Variants in DAB1 observed in about 807,000 individuals in gnomAD.
DAB1 encodes DAB adaptor protein 1.
Under a neutral mutation model 64.6 loss-of-function variants are expected in DAB1, and 15 were observed. That is an observed-to-expected ratio of 0.23 (90% CI 0.16 to 0.36). DAB1 has a LOEUF of 0.36. DAB1 is among the 10% of genes least tolerant of loss of function. DAB1 has a pLI of 1.00. For synonymous variants in DAB1, 235 were observed against 251.9 expected (o/e 0.93, Z 0.64); for missense variants, 596 against 706.7 (o/e 0.84, Z 1.78).
chr1:58,095,536 T>C (rs895586580), intron 5 of DAB1, among the ~76,000 whole-genome samples: 1 of 152,194 alleles, frequency 6.6e-6, no homozygotes, highest in African/African-American at 2.4e-5. Context: ...TCTGTTAATC[T>C]CTCAGATTAT....
chr1:58,225,419 C>G (rs1659413196), intron 4 of DAB1, among the ~76,000 whole-genome samples: 1 of 151,798 alleles, frequency 6.6e-6, no homozygotes, highest in African/African-American at 2.4e-5. Context: ...CCTCAGGGAT[C>G]TAGAACTAGA....
At chr1:58,295,146 C>A (rs918415674) in intron 4 of DAB1, among the ~76,000 whole-genome samples, 3 of 152,040 alleles carry the variant, frequency 2.0e-5, no homozygotes, top group Admixed American at 1.3e-4. Flanking sequence ...TTCTGTTGCT[C>A]CTGGTCTCCT....
At chr1:57,050,956 T>C (rs1319398853) in intron 9 of DAB1, among the ~76,000 whole-genome samples, 1 of 152,222 alleles carries the variant, frequency 6.6e-6, no homozygotes, top group Non-Finnish European at 1.5e-5. Flanking sequence ...TGAAGGTCTG[T>C]CATTGTAGGT....
downstream of DAB1, among the ~76,000 whole-genome samples, chr1:57,821,123 C>G (rs143997682): frequency 2.8e-4 from 42 of 152,234 alleles, no homozygotes; most frequent in African/African-American, 9.6e-4. Context: ...AATATACCAT[C>G]AACATCCTCT....
chr1:57,836,133 T>G (rs1652797667), intron 1 of DAB1, among the ~76,000 whole-genome samples: 1 of 152,216 alleles, frequency 6.6e-6, no homozygotes, highest in Non-Finnish European at 1.5e-5. Flanking sequence ...ACCTTACCAC[T>G]ACTGCACTTG....
intron 7 of DAB1, among the ~76,000 whole-genome samples, chr1:57,535,974 T>C (rs974146968): frequency 3.3e-5 from 5 of 152,204 alleles, no homozygotes; most frequent in South Asian, 2.1e-4. Flanking sequence ...TAGATACTTC[T>C]GAAAAACTTG....
chr1:57,414,090 G>A (rs1684319251), intron 1 of DAB1, among the ~76,000 whole-genome samples: 1 of 152,222 alleles, frequency 6.6e-6, no homozygotes. Context: ...TTGTTGAAAT[G>A]ACAGCAAAGG....
chr1:58,021,659 C>T (rs112766060), intron 5 of DAB1, among the ~76,000 whole-genome samples: 100 of 152,240 alleles, frequency 6.6e-4, no homozygotes, highest in African/African-American at 2.3e-3. Context: ...AAAACCAAAG[C>T]AGATGATGGT....
At chr1:58,073,271 TC>T (rs1190410289) in intron 5 of DAB1, among the ~76,000 whole-genome samples, 1 of 152,150 alleles carries the variant, frequency 6.6e-6, no homozygotes, top group African/African-American at 2.4e-5. Flanking sequence ...TACTGTTCTT[TC>T]CTCTCTCCTC....
chr1:57,536,637 T>C (rs1408017778), intron 7 of DAB1, among the ~76,000 whole-genome samples: 2 of 150,796 alleles, frequency 1.3e-5, no homozygotes, highest in Non-Finnish European at 2.9e-5. Flanking sequence ...TGAGTGAATT[T>C]GAAGTCCTTC....
intron 6 of DAB1, among the ~76,000 whole-genome samples, chr1:57,818,481 G>A (rs1651969858): frequency 6.6e-6 from 1 of 151,994 alleles, no homozygotes; most frequent in Non-Finnish European, 1.5e-5. Context: ...TAAAATGGAT[G>A]GGTCAAAATA....
chr1:58,263,164 TAATA>T (rs1245327671), intron 4 of DAB1, among the ~76,000 whole-genome samples: 1 of 152,294 alleles, frequency 6.6e-6, no homozygotes, highest in East Asian at 1.9e-4. Context: ...AGAGGCCAAT[TAATA>T]AATAATGATT....
intron 3 of DAB1, among the ~76,000 whole-genome samples, chr1:58,490,496 G>C (rs1422459706): frequency 6.6e-6 from 1 of 152,166 alleles, no homozygotes; most frequent in Admixed American, 6.5e-5. Flanking sequence ...AGGGAGAATG[G>C]AACCAAGTTG....
chr1:57,949,777 A>G (rs957591455), intron 5 of DAB1, among the ~76,000 whole-genome samples: 1 of 152,114 alleles, frequency 6.6e-6, no homozygotes, highest in Non-Finnish European at 1.5e-5. Context: ...TCTCTTTATA[A>G]AAACTTTAAT....
chr1:58,180,099 G>A (rs906360819), intron 4 of DAB1, among the ~76,000 whole-genome samples: 1 of 151,528 alleles, frequency 6.6e-6, no homozygotes, highest in Non-Finnish European at 1.5e-5. Flanking sequence ...AGGGATTTGG[G>A]TATCCACAGA....
intron 5 of DAB1, among the ~76,000 whole-genome samples, chr1:57,942,462 G>C (rs943026872): frequency 6.6e-6 from 1 of 152,206 alleles, no homozygotes; most frequent in African/African-American, 2.4e-5. Flanking sequence ...GTGTTGGTAA[G>C]TATGTGAGAC....
At chr1:57,668,359 G>A (rs548469772) in intron 6 of DAB1, among the ~76,000 whole-genome samples, 2 of 152,136 alleles carry the variant, frequency 1.3e-5, no homozygotes, top group African/African-American at 4.8e-5. Context: ...TACCTTAGAG[G>A]TAAAGCACCT....
At chr1:57,355,385 C>A (rs1358350847) in intron 1 of DAB1, among the ~76,000 whole-genome samples, 1 of 151,160 alleles carries the variant, frequency 6.6e-6, no homozygotes, top group Non-Finnish European at 1.5e-5. Context: ...TCCTTCCTTC[C>A]TTCCTTCCGT....
chr1:57,651,676 T>C (rs12127257), intron 6 of DAB1, among the ~76,000 whole-genome samples: 38,083 of 151,314 alleles, frequency 0.25, 5,097 homozygotes, highest in Admixed American at 0.34. Flanking sequence ...AAAAAAAAAA[T>C]GACAGAAAGC....
Sources: allele counts gnomAD v4.1 joint callset (sites outside exome capture counted in the v4.1 genomes callset), GRCh38; gene constraint gnomAD v4.1.1; transcripts MANE v1.5; gene names NCBI Gene and HGNC (gene_info 2026-07-23, HGNC 2026-07-21).